The following NUTM2E variants were observed in gnomAD, a reference collection of about 807,000 sequenced individuals.
The protein encoded by NUTM2E is NUT family member 2E.
NUTM2E carries 3 observed loss-of-function variants against 26.1 expected under a neutral mutation model. The observed-to-expected ratio is 0.12, with a 90% CI of 0.05 to 0.30. The LOEUF is 0.30. Ranked by LOEUF, NUTM2E falls within the 10% of genes least tolerant of loss-of-function variation. The probability of loss-of-function intolerance (pLI) is 1.00; values close to 1 mark genes in which losing one functional copy is unlikely to be tolerated. For missense variants in NUTM2E, 62 were observed against 381.3 expected (o/e 0.16, Z 6.97); for synonymous variants, 13 against 157.5 (o/e 0.08, Z 6.87).
chr10:79,832,994 G>T (rs1355942900), intron 1 of NUTM2E, among the ~76,000 whole-genome samples: 1 of 151,636 alleles, frequency 6.6e-6, no homozygotes, highest in Non-Finnish European at 1.5e-5. Context: ...CTGCATGTTT[G>T]TGTCGTATTT....
chr10:79,839,121 A>G lies in NUTM2E; in HGVS notation c.-2114+6A>G, dbSNP rs1841983690. On this transcript the variant is annotated splice_donor_region_variant and intron_variant, in intron 3 of 9. Transcript: ENST00000429984. ...ACGATCACTCCTAATTTTCGGTAAT[A>G]CAAACCTGCAGTCCATGCACCTAGG... Among the ~76,000 whole-genome samples, 1 of 151,614 alleles carries G rather than the reference A, an allele frequency of 6.6e-6. No homozygotes were observed.
Position 79,840,335 on chromosome 10 carries a change from A to G in NUTM2E, c.-1406A>G, listed in dbSNP as rs1247137577. 7.5e-6 allele frequency among the ~76,000 whole-genome samples: 1 copy of G among 133,008 alleles called. No individual in the cohort carries two copies. The highest frequency in any genetic ancestry group is 1.6e-5 in the Non-Finnish European group (1 of 61,388). 87.3% of individuals were successfully genotyped at this position (133,008 alleles called of 152,430 possible). A position where few individuals can be genotyped will look rare whatever the true frequency, so the allele number is the denominator to read the frequency against. The stretch of plus-strand genomic sequence containing the variant: ...TGATCTTCTCAGCTAAGATGGAGGT[A>G]GAGTTGCACAGTGGAAGAGGGCTGC... On this transcript the variant is annotated 5_prime_UTR_variant, in exon 4 of 10. Coordinates refer to ENST00000429984, the MANE Select transcript of NUTM2E (RefSeq NM_001355263.2).
chr10:79,833,797 G>C (rs1841943579), intron 1 of NUTM2E, among the ~76,000 whole-genome samples: 1 of 151,842 alleles, frequency 6.6e-6, no homozygotes, highest in Non-Finnish European at 1.5e-5. Context: ...GTGGAAGACA[G>C]TGTGGTGATT....
chr10:79,831,473 A>G (rs528179448), intron 1 of NUTM2E, among the ~76,000 whole-genome samples: 150 of 151,388 alleles, frequency 9.9e-4, no homozygotes, highest in African/African-American at 3.5e-3. Context: ...AATGTAAAAT[A>G]AAACTGATCA....
At chr10:79,828,091 G>A (rs560497950) in intron 1 of NUTM2E, among the ~76,000 whole-genome samples, 3 of 151,558 alleles carry the variant, frequency 2.0e-5, no homozygotes, top group Admixed American at 1.3e-4. Flanking sequence ...CACCGTGCCC[G>A]GCCGACAGGT....
Position 79,838,530 on chromosome 10 carries a change from G to A in NUTM2E, c.-2506G>A, listed in dbSNP as rs1291040018. Among the ~76,000 whole-genome samples the A allele has an allele frequency of 7.7e-4, 115 of 149,088 alleles. No individual in the cohort carries two copies. Among genetic ancestry groups the A allele is most frequent in the African/African-American group, 2.7e-3 (109 of 40,934 alleles). ...TTTGGAATGTGAAAGGCACGGCCGA[G>A]ACACACTTTGAGGTTCCCACTGCAT... On this transcript the variant is annotated 5_prime_UTR_variant, in exon 2 of 10. Coordinates refer to ENST00000429984, the MANE Select transcript of NUTM2E (RefSeq NM_001355263.2).
At chr10:79,828,026 C>A (rs954704435) in intron 1 of NUTM2E, among the ~76,000 whole-genome samples, 2 of 151,374 alleles carry the variant, frequency 1.3e-5, no homozygotes, top group Non-Finnish European at 2.9e-5. Flanking sequence ...AACTCCCGAC[C>A]TTAGGTGATA....
At chr10:79,834,557 A>G (rs997175385) in intron 1 of NUTM2E, among the ~76,000 whole-genome samples, 9 of 150,588 alleles carry the variant, frequency 6.0e-5, no homozygotes, top group African/African-American at 2.2e-4. Flanking sequence ...AAAAATTACT[A>G]CTCAGGAGGC....
At chr10:79,838,116 C>T (rs1841975175) in intron 1 of NUTM2E, among the ~76,000 whole-genome samples, 193 bp from the exon 2 acceptor site, 1 of 151,188 alleles carries the variant, frequency 6.6e-6, no homozygotes, top group Non-Finnish European at 1.5e-5. Context: ...CCTAGAACCC[C>T]TTTTCTCCAA....
At position 79,848,819 on chromosome 10, in the gene NUTM2E, A is replaced by C. The variant is rs1842036275; in HGVS notation, c.1658A>C (p.Glu553Ala). 3 of 529,960 alleles carry C rather than the reference A, an allele frequency of 5.7e-6. No individual in the cohort carries two copies. The highest frequency in any genetic ancestry group is 9.6e-6 in the Non-Finnish European group (3 of 313,626). 32.8% of individuals were successfully genotyped at this position (529,960 alleles called of 1,614,324 possible). A position where few individuals can be genotyped will look rare whatever the true frequency, so the allele number is the denominator to read the frequency against. ...EEGKVKQPQE[E>A]DWTPPDPGLL... ...GGCAAAGTGAAGCAGCCACAGGAAG[A>C]GGACTGGACGCCCCCAGACCCGGGC... Residue 553 changes from glutamate (E) to alanine (A), a missense_variant, in exon 8 of 10, where the codon GAG becomes GCG. Glu to Ala is a moderately radical substitution (Grantham distance 107). Coordinates refer to ENST00000429984, the MANE Select transcript of NUTM2E (RefSeq NM_001355263.2).
At chr10:79,827,784 GT>G (rs1385546783) in intron 1 of NUTM2E, among the ~76,000 whole-genome samples, 22 of 102,964 alleles carry the variant, frequency 2.1e-4, no homozygotes, top group Admixed American at 1.2e-3. Flanking sequence ...TTATTTAGTG[GT>G]TTTTTTTTTG....
Position 79,829,623 on chromosome 10 carries a change from C to T in NUTM2E, c.-2728+2266C>T, listed in dbSNP as rs539807652. On this transcript the variant is annotated intron_variant, in intron 1 of 9. Transcript: ENST00000429984. ...TTCTTCCCATACCCTCAGTGACTTA[C>T]GGTATTTATTTACTAAATGCCAAAG... Among the ~76,000 whole-genome samples, 1,008 of 151,936 alleles carry T rather than the reference C, an allele frequency of 6.6e-3. 18 individuals are homozygous for T. The highest frequency in any genetic ancestry group is 0.023 in the African/African-American group (954 of 41,480).
At chr10:79,831,046 T>G (rs1240540664) in intron 1 of NUTM2E, among the ~76,000 whole-genome samples, 2 of 151,838 alleles carry the variant, frequency 1.3e-5, no homozygotes, top group African/African-American at 2.4e-5. Flanking sequence ...AGTTTTTTAT[T>G]CTCTTTGTTT....
chr10:79,838,967 C>T lies in NUTM2E; in HGVS notation c.-2262C>T, dbSNP rs918163079. Among the ~76,000 whole-genome samples, 70 of 148,448 alleles carry T rather than the reference C, an allele frequency of 4.7e-4. 2 individuals carry two copies. The highest frequency in any genetic ancestry group is 1.3e-3 in the African/African-American group (52 of 40,178). ...CGGCGCACAGGGCAGGCCAGGAGCC[C>T]GCCCTAGGAGGGCCCCGCTGGAGAT... On this transcript the variant is annotated 5_prime_UTR_variant, in exon 3 of 10. Coordinates refer to ENST00000429984, the MANE Select transcript of NUTM2E (RefSeq NM_001355263.2).
chr10:79,836,210 C>T (rs3117696), intron 1 of NUTM2E, among the ~76,000 whole-genome samples: 1 of 151,730 alleles, frequency 6.6e-6, no homozygotes, highest in Non-Finnish European at 1.5e-5. Flanking sequence ...TAAAAAAAAT[C>T]AGACCATATG....
Position 79,834,921 on chromosome 10 carries a change from TTCTC to T in NUTM2E, c.-2727-3384_-2727-3381del, listed in dbSNP as rs573671579. On this transcript the variant is annotated intron_variant, in intron 1 of 9. Coordinates refer to ENST00000429984, the MANE Select transcript of NUTM2E (RefSeq NM_001355263.2). The stretch of plus-strand genomic sequence containing the variant: ...TAGTGTGTTTAATTTTATTTTATCT[TTCTC>T]TCTGTGTGTTTCTCTCTCTCATCAA... Among the ~76,000 whole-genome samples, 119 of 151,816 alleles carry T rather than the reference TTCTC, an allele frequency of 7.8e-4. 1 individual carries two copies. The highest frequency in any genetic ancestry group is 3.7e-3 in the East Asian group (19 of 5,162).
intron 4 of NUTM2E, among the ~76,000 whole-genome samples, chr10:79,842,959 G>A (rs1589309813): frequency 1.4e-5 from 1 of 70,102 alleles, no homozygotes; most frequent in East Asian, 2.7e-4. Flanking sequence ...CATGAACGGG[G>A]GGCAGGTGTG....
At chr10:79,827,628 T>C (rs948461074) in intron 1 of NUTM2E, 1 of 150,942 alleles carries the variant, frequency 6.6e-6, no homozygotes, top group Admixed American at 6.6e-5. Context: ...TGAGTCCTTA[T>C]GTGTTGACGG....
At chr10:79,828,037 C>A (rs1031628965) in intron 1 of NUTM2E, among the ~76,000 whole-genome samples, 3 of 151,436 alleles carry the variant, frequency 2.0e-5, no homozygotes, top group African/African-American at 4.8e-5. Flanking sequence ...TTAGGTGATA[C>A]GCCCACCTCG....
Sources: allele counts gnomAD v4.1 joint callset (sites outside exome capture counted in the v4.1 genomes callset), GRCh38; gene constraint gnomAD v4.1.1; transcripts MANE v1.5; gene names NCBI Gene and HGNC (gene_info 2026-07-23, HGNC 2026-07-21).